Variants in RSPH10B2 observed in about 807,000 individuals in gnomAD.
RSPH10B2 encodes radial spoke head 10 homolog B2 (Chlamydomonas).
In RSPH10B2, 9 loss-of-function variants were observed where a neutral mutation model predicts 49.0. The ratio of observed to expected loss-of-function variants is 0.18; its 90% CI spans 0.11 to 0.32. RSPH10B2 has a LOEUF of 0.32. Among genes scored for constraint, RSPH10B2 ranks in the 10% least tolerant of loss-of-function variants. RSPH10B2 has a pLI of 1.00. For synonymous variants in RSPH10B2, 35 were observed against 210.2 expected, an observed-to-expected ratio of 0.17 and a Z score of 7.21; for missense variants, 95 against 589.9, an observed-to-expected ratio of 0.16 and a Z score of 8.69.
At chr7:6,791,369 G>T (rs2528357) in intron 16 of RSPH10B2, among the ~76,000 whole-genome samples, 6,345 of 102,706 alleles carry the variant, frequency 0.062, 87 homozygotes, top group African/African-American at 0.13. Flanking sequence ...AGTTTTGGGG[G>T]TTTTTTTTGA....
intron 4 of RSPH10B2, among the ~76,000 whole-genome samples, 181 bp downstream of exon 6, chr7:6,764,282 G>A (rs1279703860): frequency 6.8e-6 from 1 of 146,340 alleles, no homozygotes; most frequent in East Asian, 2.1e-4. Flanking sequence ...GAAGGGGGTA[G>A]GGGCTAGCGG....
At position 6,766,803 on chromosome 7, in the gene RSPH10B2, C is replaced by A; in HGVS notation, c.706C>A (p.Arg236Ser). The A allele has an allele frequency of 4.1e-6, 2 of 490,688 alleles. 1 individual carries two copies. Among genetic ancestry groups the A allele is most frequent in the Non-Finnish European group, 6.1e-6 (2 of 325,548 alleles). The allele number at this position is 490,688 out of a possible 1,614,324, so 30.4% of individuals were successfully genotyped here. The change falls in exon 6 of 19, where the codon CGC becomes AGC. Residue 236 changes from arginine (R) to serine (S), a missense_variant. By Grantham distance (110) the Arg-to-Ser change is moderately radical. Coordinates refer to ENST00000297186, the Ensembl canonical transcript of RSPH10B2. Reference sequence around the variant, plus strand: ...CGAAGGCCAGTGGGAAGACAACATGCGCCACGGGGAGGGGAGGATGAGGTG... The same window carrying A: ...CGAAGGCCAGTGGGAAGACAACATGAGCCACGGGGAGGGGAGGATGAGGTG...
At chr7:6,758,384 C>T (rs1284230935) in intron 1 of RSPH10B2, among the ~76,000 whole-genome samples, 1 of 148,002 alleles carries the variant, frequency 6.8e-6, no homozygotes, top group African/African-American at 2.5e-5. Flanking sequence ...GAGGTTTGGG[C>T]TTCTAGTAAG....
intron 13 of RSPH10B2, among the ~76,000 whole-genome samples, chr7:6,783,721 C>T (rs1782029218): frequency 6.6e-6 from 1 of 151,380 alleles, no homozygotes; most frequent in African/African-American, 2.4e-5. Context: ...AGTCCTCGTG[C>T]CTCGGCCTCC....
At chr7:6,764,808 A>G (rs1380969068) in intron 4 of RSPH10B2, among the ~76,000 whole-genome samples, 1 of 145,068 alleles carries the variant, frequency 6.9e-6, no homozygotes, top group Admixed American at 7.0e-5. Context: ...CAGCATCTGC[A>G]TGGCTGCAAG....
intron 17 of RSPH10B2, among the ~76,000 whole-genome samples, chr7:6,796,280 C>CT (rs1782555959): frequency 8.0e-6 from 1 of 124,700 alleles, no homozygotes; most frequent in Non-Finnish European, 1.7e-5. Context: ...CGCCACTGCA[C>CT]TCCAGCCTGG....
In RSPH10B2 at chr7:6,796,617, G is replaced by A. The variant is rs756028805; in HGVS notation, c.2283G>A (p.Trp761Ter). ...ATCGAGAGGAAGAGTTCAACACGTGGGTCAATAATACGTACGTCTTCTTTG... is the reference window on the plus strand; with the variant it reads ...ATCGAGAGGAAGAGTTCAACACGTGAGTCAATAATACGTACGTCTTCTTTG... Residue 761 changes from tryptophan to a stop codon, truncating the protein, a stop_gained, in exon 18 of 19, where the codon TGG (tryptophan) becomes TGA (stop). Coordinates refer to ENST00000297186, the Ensembl canonical transcript of RSPH10B2. LOFTEE classifies it high-confidence loss of function. 29 of 1,206,562 alleles carry A rather than the reference G, an allele frequency of 2.4e-5. 8 individuals are homozygous for A. Among genetic ancestry groups the A allele is most frequent in the Middle Eastern group, 4.7e-4 (2 of 4,272 alleles). 74.7% of individuals were successfully genotyped at this position (1,206,562 alleles called of 1,614,324 possible). A position where few individuals can be genotyped will look rare whatever the true frequency, so the allele number is the denominator to read the frequency against.
chr7:6,797,642 CTT>C (rs1782646717), intron 18 of RSPH10B2, among the ~76,000 whole-genome samples: 1 of 152,288 alleles, frequency 6.6e-6, no homozygotes, highest in Admixed American at 6.5e-5. Context: ...AGGAGAATCA[CTT>C]GAGTTTGAGA....
upstream of RSPH10B2, among the ~76,000 whole-genome samples, chr7:6,755,584 A>T (rs892876146): frequency 6.1e-5 from 1 of 16,488 alleles, no homozygotes; most frequent in Non-Finnish European, 9.2e-5. Context: ...GTTTGAAACC[A>T]GCCTGGGCAA....
chr7:6,796,209 G>C (rs1782550115), intron 17 of RSPH10B2, among the ~76,000 whole-genome samples: 1 of 117,942 alleles, frequency 8.5e-6, no homozygotes. Flanking sequence ...AGCTACTCGG[G>C]AGGCTGAGGC....
intron 16 of RSPH10B2, among the ~76,000 whole-genome samples, 161 bp from the exon 19 acceptor site, chr7:6,791,743 C>CAA (rs146980235): frequency 0.046 from 1,249 of 27,310 alleles, 17 homozygotes; most frequent in South Asian, 0.16. Flanking sequence ...GACTCTGTCT[C>CAA]AAAAAAAAAA....
chr7:6,774,888 CTGAGTAGCTG>C (rs1781721496), intron 9 of RSPH10B2, among the ~76,000 whole-genome samples: 1 of 152,202 alleles, frequency 6.6e-6, no homozygotes, highest in East Asian at 1.9e-4. Flanking sequence ...CCTCAGCTTC[CTGAGTAGCTG>C]GGACTATACG....
intron 16 of RSPH10B2, among the ~76,000 whole-genome samples, chr7:6,791,428 A>G (rs1782323406): frequency 6.7e-6 from 1 of 149,764 alleles, no homozygotes; most frequent in South Asian, 2.2e-4. Context: ...CATTAATAAT[A>G]TAAATATTTT....
chr7:6,764,543 T>C (rs1236236813), intron 4 of RSPH10B2, among the ~76,000 whole-genome samples: 2 of 148,694 alleles, frequency 1.3e-5, no homozygotes, highest in Non-Finnish European at 3.0e-5. Context: ...GTATTTTTAG[T>C]AGAGATGGGG....
intron 4 of RSPH10B2, 94 bp downstream of exon 6, chr7:6,764,195 G>C (rs954015238): frequency 3.5e-6 from 1 of 286,412 alleles, no homozygotes. Context: ...AAGGTCGGGG[G>C]GGTCGGGGGG....
intron 17 of RSPH10B2, among the ~76,000 whole-genome samples, chr7:6,792,202 GCATCACCA>G (rs141016783): frequency 0.061 from 8,189 of 134,236 alleles, 1,470 homozygotes; most frequent in Non-Finnish European, 0.097. Context: ...TTACAAGTAG[GCATCACCA>G]CACCCAGCAC....
At chr7:6,786,339 C>T (rs1193861232) in intron 14 of RSPH10B2, among the ~76,000 whole-genome samples, 5 of 113,842 alleles carry the variant, frequency 4.4e-5, no homozygotes, top group African/African-American at 7.2e-5. Flanking sequence ...CCCGCCACCA[C>T]GCCCGGCTAA....
intron 11 of RSPH10B2, among the ~76,000 whole-genome samples, chr7:6,780,040 T>C (rs1349744825): frequency 8.5e-6 from 1 of 117,466 alleles, no homozygotes; most frequent in Non-Finnish European, 1.8e-5. Flanking sequence ...CCAGGCTGGT[T>C]TCAAACTCCT....
intron 18 of RSPH10B2, among the ~76,000 whole-genome samples, chr7:6,797,251 T>TG (rs1782615298): frequency 7.0e-6 from 1 of 143,072 alleles, no homozygotes; most frequent in African/African-American, 2.5e-5. Context: ...TCAAGTGATC[T>TG]GCCAGCCTTG....
Sources: allele counts gnomAD v4.1 joint callset (sites outside exome capture counted in the v4.1 genomes callset), GRCh38; gene constraint gnomAD v4.1.1; transcripts MANE v1.5; gene names NCBI Gene and HGNC (gene_info 2026-07-23, HGNC 2026-07-21).